Variants in GTF3C1 observed in about 807,000 individuals in gnomAD.
The protein encoded by GTF3C1 is general transcription factor IIIC subunit 1.
Under a neutral mutation model 226.7 loss-of-function variants are expected in GTF3C1, and 57 were observed. The observed-to-expected ratio is 0.25, with a 90% CI of 0.20 to 0.31. GTF3C1 has a LOEUF of 0.31. GTF3C1 is among the 10% of genes least tolerant of loss of function. The pLI is 1.00. For missense variants in GTF3C1, 2,217 were observed against 2,776.1 expected (o/e 0.80, Z 4.53); for synonymous variants, 1,090 against 1,084.8 (o/e 1.00, Z -0.09).
rs773226866 is a variant in GTF3C1, at chr16:27,488,218, C to T, written c.3700+9G>A. On this transcript the variant is annotated intron_variant, in intron 23 of 36. Coordinates refer to ENST00000356183, the MANE Select transcript of GTF3C1 (RefSeq NM_001520.4). ...AAGGCCCAGTAAATGAAAATGATCA[C>T]CACATAACCTTTCTTCTTTCTCTTG... 6.2e-7 allele frequency: 1 copy of T among 1,611,692 alleles called. No homozygotes were observed. Among genetic ancestry groups the T allele is most frequent in the African/African-American group, 1.3e-5 (1 of 75,006 alleles).
intron 6 of GTF3C1, among the ~76,000 whole-genome samples, chr16:27,519,525 C>T (rs910873429): frequency 1.6e-4 from 24 of 152,146 alleles, no homozygotes; most frequent in African/African-American, 5.8e-4. Context: ...CTCACCTACC[C>T]AACTTCCACT....
At chr16:27,513,515 TGA>T (rs1338298657) in intron 6 of GTF3C1, among the ~76,000 whole-genome samples, 6 of 152,006 alleles carry the variant, frequency 3.9e-5, no homozygotes, top group African/African-American at 1.5e-4. Context: ...AGGATCAGCG[TGA>T]GAGACTGGAA....
chr16:27,533,879 G>A (rs1365643408), intron 4 of GTF3C1, among the ~76,000 whole-genome samples: 2 of 152,058 alleles, frequency 1.3e-5, no homozygotes, highest in Non-Finnish European at 2.9e-5. Flanking sequence ...GGTGGCGGGC[G>A]CCTGTAATCC....
At chr16:27,495,857 G>C (rs2088307931) in intron 14 of GTF3C1, among the ~76,000 whole-genome samples, 1 of 152,216 alleles carries the variant, frequency 6.6e-6, no homozygotes, top group African/African-American at 2.4e-5. Flanking sequence ...GCCTGAGGTG[G>C]GGGTGTGCCC....
chr16:27,508,431 T>G (rs1233621497), intron 8 of GTF3C1, 109 bp downstream of exon 8: 3 of 846,002 alleles, frequency 3.5e-6, no homozygotes, highest in Non-Finnish European at 5.8e-6. Context: ...ATTTGCCTCC[T>G]TGACACAGAT....
chr16:27,503,659 T>C (rs1057364080), intron 10 of GTF3C1, among the ~76,000 whole-genome samples: 1 of 152,230 alleles, frequency 6.6e-6, no homozygotes, highest in African/African-American at 2.4e-5. Flanking sequence ...TCTCTTGTAA[T>C]GTCTTTCTCT....
chr16:27,471,815 C>T lies in GTF3C1; in HGVS notation c.4459G>A (p.Gly1487Ser). Residue 1487 changes from glycine to serine, a missense_variant, in exon 30 of 37, where the codon GGC becomes AGC. Around this residue, in one of 12 missense-constraint regions of GTF3C1, gnomAD observed 546 missense variants for 663.0 expected, o/e 0.82. Transcript: ENST00000356183. The surrounding 1 kb of genome is among the most constrained non-coding windows in gnomAD (Gnocchi z 5.0). ...VNRRRVNHTL[G>S]PKKNRALPFV... is the part of the protein sequence containing the mutation. ...GGGAGGGCCCGGTTCTTCTTGGGGC[C>T]CAGCGTGTGGTTGACCCGGCGCCGG... 1.9e-6 allele frequency: 3 copies of T among 1,614,024 alleles called. No individual in the cohort carries two copies. Among genetic ancestry groups the T allele is most frequent in the Non-Finnish European group, 2.5e-6 (3 of 1,179,970 alleles).
At position 27,489,648 on chromosome 16, in the gene GTF3C1, C is replaced by T. The variant is rs760754963; in HGVS notation, c.3247G>A (p.Asp1083Asn). 6.2e-7 allele frequency: 1 copy of T among 1,611,494 alleles called. No individual in the cohort carries two copies. Among genetic ancestry groups the T allele is most frequent in the East Asian group, 2.2e-5 (1 of 44,864 alleles). The change falls in exon 20 of 37, where the codon GAC (aspartate) becomes AAC (asparagine). Residue 1083 changes from aspartate (D) to asparagine (N), a missense_variant. By Grantham distance (23) the Asp-to-Asn change is conservative. Transcript: ENST00000356183. ...CACTTGCGCTCCAGGTTGTGCTTGT[C>T]CATGGCGCTCTCCTGCTCCTTCTGC... is the stretch of plus-strand genomic sequence containing the variant. ...SLQKEQESAM[D>N]KHNLERKCAM...
intron 7 of GTF3C1, among the ~76,000 whole-genome samples, chr16:27,510,937 T>C (rs1340973447): frequency 6.6e-6 from 1 of 152,244 alleles, no homozygotes. Context: ...GCTTTCTTCT[T>C]CTCAGTGCTT....
chr16:27,471,819 C>A lies in GTF3C1; in HGVS notation c.4455G>T (p.Thr1485=), dbSNP rs775886107. The A allele has an allele frequency of 3.1e-6, 5 of 1,613,906 alleles. No homozygotes were observed. The highest frequency in any genetic ancestry group is 4.2e-6 in the Non-Finnish European group (5 of 1,179,954). ...GGGCCCGGTTCTTCTTGGGGCCCAG[C>A]GTGTGGTTGACCCGGCGCCGGTTGA... ...SLVNRRRVNH[T]LGPKKNRALP... The change falls in exon 30 of 37, where the codon ACG becomes ACT. Residue 1485 remains threonine (T), a synonymous_variant. Coordinates refer to ENST00000356183, the MANE Select transcript of GTF3C1 (RefSeq NM_001520.4). This position sits in a 1 kb window ranked among gnomAD's most constrained non-coding sequence, Gnocchi z 5.0.
rs376688831 is a variant in GTF3C1, at chr16:27,509,706, C to T, written c.1127-1051G>A. Among the ~76,000 whole-genome samples, 1,025 of 143,848 alleles carry T rather than the reference C, an allele frequency of 7.1e-3. 16 individuals are homozygous for T. Among genetic ancestry groups the T allele is most frequent in the African/African-American group, 0.025 (966 of 38,744 alleles). 94.4% of individuals were successfully genotyped at this position (143,848 alleles called of 152,430 possible). ...TTGGGAGGCGGAGCTTGCAGTGAGCCGAGATCACGCCACTGCACTCCAGCC... is the reference window on the plus strand; with the variant it reads ...TTGGGAGGCGGAGCTTGCAGTGAGCTGAGATCACGCCACTGCACTCCAGCC... On this transcript the variant is annotated intron_variant, in intron 7 of 36. Coordinates refer to ENST00000356183, the MANE Select transcript of GTF3C1 (RefSeq NM_001520.4).
chr16:27,533,484 A>T (rs559861133), intron 4 of GTF3C1, 97 bp from the exon 5 acceptor site: 2 of 699,420 alleles, frequency 2.9e-6, no homozygotes, highest in Non-Finnish European at 5.2e-6. Context: ...GACTTGACTT[A>T]ATCATTTTAC....
chr16:27,549,856 G>A lies in GTF3C1; in HGVS notation c.35C>T (p.Ala12Val). ...DALESLLDEV[A>V]LEGLDGLCLP... is the part of the protein sequence containing the mutation. The stretch of plus-strand genomic sequence containing the variant: ...ACACAGGCCATCGAGCCCCTCCAGA[G>A]CGACTTCGTCCAACAACGACTCCAG... Residue 12 changes from alanine (A) to valine (V), a missense_variant, in exon 1 of 37, where the codon GCT becomes GTT. This residue lies in a region of GTF3C1 where 192 missense variants were observed against 251.8 expected (regional missense o/e 0.76). Coordinates refer to ENST00000356183, the MANE Select transcript of GTF3C1 (RefSeq NM_001520.4). 1 of 1,613,030 alleles carries A rather than the reference G, an allele frequency of 6.2e-7. No homozygotes were observed. Among genetic ancestry groups the A allele is most frequent in the South Asian group, 1.1e-5 (1 of 91,076 alleles).
At chr16:27,491,368 G>C (rs1300596254) in intron 19 of GTF3C1, among the ~76,000 whole-genome samples, 2 of 152,182 alleles carry the variant, frequency 1.3e-5, no homozygotes, top group Admixed American at 1.3e-4. Flanking sequence ...CTGCAGGGGA[G>C]GCTCTCTTGC....
Position 27,538,258 on chromosome 16 carries a change from G to T in GTF3C1, c.530C>A (p.Ser177Tyr). The T allele has an allele frequency of 6.2e-7, 1 of 1,611,472 alleles. No individual in the cohort carries two copies. The highest frequency in any genetic ancestry group is 8.5e-7 in the Non-Finnish European group (1 of 1,177,602). ...GDPDLKLPDF[S>Y]YCILERLGRS... ...GCCTAGCCGTTCCAGGATGCAGTAG[G>T]AGAAGTCGGGCAGCTTCAGGTCGGG... Residue 177 changes from serine to tyrosine, a missense_variant, in exon 3 of 37, where the codon TCC becomes TAC. Transcript: ENST00000356183.
At chr16:27,483,807 C>T (rs1325189977) in intron 25 of GTF3C1, among the ~76,000 whole-genome samples, 2 of 152,212 alleles carry the variant, frequency 1.3e-5, no homozygotes, top group Admixed American at 6.5e-5. Flanking sequence ...TCCTGCCTAG[C>T]TTGCTGCTGG....
In GTF3C1 at chr16:27,463,250, G is replaced by A; in HGVS notation, c.5924+291C>T. On this transcript the variant is annotated intron_variant, in intron 35 of 36. Coordinates refer to ENST00000356183, the MANE Select transcript of GTF3C1 (RefSeq NM_001520.4). This position sits in a 1 kb window ranked among gnomAD's most constrained non-coding sequence, Gnocchi z 4.9. ...TGGGTGAGGTGCCTGTGGGCCATGA[G>A]GAGCCAGTGAAGCACAGCTGACAGC... 2.2e-6 allele frequency: 1 copy of A among 449,348 alleles called. No individual in the cohort carries two copies. The highest frequency in any genetic ancestry group is 3.9e-6 in the Non-Finnish European group (1 of 254,276). The allele number at this position is 449,348 out of a possible 1,614,324, so 27.8% of individuals were successfully genotyped here. A position where few individuals can be genotyped will look rare whatever the true frequency, so the allele number is the denominator to read the frequency against.
At position 27,507,018 on chromosome 16, in the gene GTF3C1, T is replaced by C. The variant is rs753921839; in HGVS notation, c.1381A>G (p.Met461Val). ...ELLTTVSLAS[M>V]QEESLLPEGE... ...TCAGGCAGAAGCGACTCCTCCTGCA[T>C]AGACGCCAGGCTCACGGTGGTCAAG... Residue 461 changes from methionine (M) to valine (V), a missense_variant, in exon 9 of 37, where the codon ATG becomes GTG. Coordinates refer to ENST00000356183, the MANE Select transcript of GTF3C1 (RefSeq NM_001520.4). The surrounding 1 kb of genome is among the most constrained non-coding windows in gnomAD (Gnocchi z 4.9). 10 of 1,613,962 alleles carry C rather than the reference T, an allele frequency of 6.2e-6. No individual in the cohort carries two copies. The highest frequency in any genetic ancestry group is 5.0e-5 in the Admixed American group (3 of 60,020).
At chr16:27,495,124 A>G in intron 15 of GTF3C1, 87 bp downstream of exon 15, 1 of 1,044,028 alleles carries the variant, frequency 9.6e-7, no homozygotes, top group Non-Finnish European at 1.4e-6. Flanking sequence ...GCCAGTTTAT[A>G]TAAGGAAAAG....
Sources: allele counts gnomAD v4.1 joint callset (sites outside exome capture counted in the v4.1 genomes callset), GRCh38; gene constraint gnomAD v4.1.1; regional missense constraint gnomAD v4.1.1; non-coding constraint Gnocchi (gnomAD v3.1); transcripts MANE v1.5; gene names NCBI Gene and HGNC (gene_info 2026-07-23, HGNC 2026-07-21).